MAML3: variants seen among roughly 807,000 people sequenced by gnomAD.
The protein encoded by MAML3 is mastermind like transcriptional coactivator 3.
Under a neutral mutation model 101.9 loss-of-function variants are expected in MAML3, and 27 were observed. The observed-to-expected ratio is 0.27, with a 90% CI of 0.20 to 0.37. MAML3 has a LOEUF of 0.37. Ranked by LOEUF, MAML3 falls within the 10% of genes least tolerant of loss-of-function variation. The pLI, the probability that MAML3 is intolerant of heterozygous loss-of-function variation, is 1.00. For synonymous variants in MAML3, 501 were observed against 555.9 expected (o/e 0.90, Z 1.39); for missense variants, 1,316 against 1,444.9 (o/e 0.91, Z 1.45).
chr4:139,889,730 T>C lies in MAML3; in HGVS notation c.1706A>G (p.Tyr569Cys), dbSNP rs971200378. Residue 569 changes from tyrosine (Y) to cysteine (C), a missense_variant, in exon 2 of 5, where the codon TAC becomes TGC. By Grantham distance (194) the Tyr-to-Cys change is radical. Coordinates refer to ENST00000509479, the MANE Select transcript of MAML3 (RefSeq NM_018717.5). ...NNLQKTTMNN[Y>C]LPQNHMNMIN... ...CATATTCATGTGATTCTGAGGGAGG[T>C]AGTTATTCATTGTTGTCTTCTGCAG... is the stretch of plus-strand genomic sequence containing the variant. 2 of 1,613,712 alleles carry C rather than the reference T, an allele frequency of 1.2e-6. No homozygotes were observed. Among genetic ancestry groups the C allele is most frequent in the South Asian group, 1.1e-5 (1 of 91,088 alleles).
At chr4:139,951,670 G>A (rs1424171843) in intron 1 of MAML3, among the ~76,000 whole-genome samples, 1 of 152,020 alleles carries the variant, frequency 6.6e-6, no homozygotes, top group Non-Finnish European at 1.5e-5. Context: ...CGGCAGCTCT[G>A]TGAACTGCTC....
chr4:139,964,469 G>C (rs1399415728), intron 1 of MAML3, among the ~76,000 whole-genome samples: 1 of 152,176 alleles, frequency 6.6e-6, no homozygotes, highest in East Asian at 1.9e-4. Context: ...GGAACTTAGA[G>C]GACGGGTCAA....
At chr4:140,152,498 G>A (rs1467980028) in intron 1 of MAML3, among the ~76,000 whole-genome samples, 3 of 152,072 alleles carry the variant, frequency 2.0e-5, no homozygotes, top group Non-Finnish European at 4.4e-5. Flanking sequence ...CGAAGAGGAG[G>A]AGCAAGGTTT....
At chr4:139,875,988 T>C (rs1402801824) in intron 2 of MAML3, among the ~76,000 whole-genome samples, 1 of 150,954 alleles carries the variant, frequency 6.6e-6, no homozygotes, top group Non-Finnish European at 1.5e-5. Context: ...ACAGAACTGA[T>C]TTTTGGTGTT....
chr4:140,105,129 C>T (rs115796009), intron 1 of MAML3, among the ~76,000 whole-genome samples: 147 of 152,246 alleles, frequency 9.7e-4, no homozygotes, highest in African/African-American at 3.4e-3. Context: ...CAAAAAGACC[C>T]TCCATGTTCC....
chr4:139,977,542 T>C (rs184322602), intron 1 of MAML3, among the ~76,000 whole-genome samples: 1 of 152,262 alleles, frequency 6.6e-6, no homozygotes, highest in Non-Finnish European at 1.5e-5. Flanking sequence ...GTAATACTAA[T>C]TATGAACATA....
intron 2 of MAML3, among the ~76,000 whole-genome samples, chr4:139,804,763 A>G (rs2111106436): frequency 6.6e-6 from 1 of 152,360 alleles, no homozygotes; most frequent in African/African-American, 2.4e-5. Context: ...TGTAACAGAA[A>G]CAATTTATGT....
intron 1 of MAML3, among the ~76,000 whole-genome samples, chr4:139,908,332 G>T (rs1732856802): frequency 6.6e-6 from 1 of 152,138 alleles, no homozygotes; most frequent in Non-Finnish European, 1.5e-5. Context: ...TGTATACTGT[G>T]TAGTAAAACC....
chr4:139,977,873 AAAAAAAC>A (rs370325687), intron 1 of MAML3, among the ~76,000 whole-genome samples: 2,828 of 151,718 alleles, frequency 0.019, 109 homozygotes, highest in African/African-American at 0.064. Context: ...ACTCCCTAAC[AAAAAAAC>A]AAAAAACAAA....
chr4:140,036,361 A>G (rs1453728406), intron 1 of MAML3, among the ~76,000 whole-genome samples: 3 of 152,226 alleles, frequency 2.0e-5, no homozygotes, highest in African/African-American at 7.2e-5. Context: ...ATGCAGGAAC[A>G]TGAGTATTTA....
intron 2 of MAML3, among the ~76,000 whole-genome samples, chr4:139,825,432 A>G (rs1731045167): frequency 6.6e-6 from 1 of 152,216 alleles, no homozygotes; most frequent in Non-Finnish European, 1.5e-5. Context: ...GGTAAAGGAT[A>G]AAGCAACTTC....
intron 2 of MAML3, among the ~76,000 whole-genome samples, chr4:139,846,125 T>C (rs898013803): frequency 6.6e-6 from 1 of 152,178 alleles, no homozygotes. Flanking sequence ...CAAATCTTGA[T>C]AGATCATTTT....
At chr4:139,870,337 A>G (rs1731984624) in intron 2 of MAML3, among the ~76,000 whole-genome samples, 1 of 152,132 alleles carries the variant, frequency 6.6e-6, no homozygotes, top group South Asian at 2.1e-4. Context: ...GACAACCAAA[A>G]CTATCTCCAG....
At chr4:139,966,703 T>C (rs1310467885) in intron 1 of MAML3, among the ~76,000 whole-genome samples, 4 of 152,224 alleles carry the variant, frequency 2.6e-5, no homozygotes, top group East Asian at 1.9e-4. Context: ...ATTGCTAACA[T>C]TATTGTCACT....
At chr4:139,973,358 C>G (rs1734263407) in intron 1 of MAML3, among the ~76,000 whole-genome samples, 1 of 152,218 alleles carries the variant, frequency 6.6e-6, no homozygotes, top group African/African-American at 2.4e-5. Flanking sequence ...TTCCCTACTT[C>G]AGTCCATTGT....
intron 1 of MAML3, among the ~76,000 whole-genome samples, chr4:140,085,228 C>T (rs1198532960): frequency 6.6e-6 from 1 of 152,178 alleles, no homozygotes; most frequent in East Asian, 1.9e-4. Flanking sequence ...TATTTCTTCC[C>T]AAGCTCTTAA....
chr4:140,046,759 A>C (rs2110916440), intron 1 of MAML3, among the ~76,000 whole-genome samples: 1 of 151,692 alleles, frequency 6.6e-6, no homozygotes, highest in East Asian at 1.9e-4. Flanking sequence ...TCTACAAAGG[A>C]GGAATTTAGG....
intron 1 of MAML3, among the ~76,000 whole-genome samples, chr4:140,029,735 A>G (rs1318165937): frequency 1.3e-5 from 2 of 152,228 alleles, no homozygotes; most frequent in Non-Finnish European, 2.9e-5. Flanking sequence ...GCCACTTTTA[A>G]TATCAGCTTA....
At chr4:139,914,681 A>C (rs1223289441) in intron 1 of MAML3, among the ~76,000 whole-genome samples, 1 of 152,226 alleles carries the variant, frequency 6.6e-6, no homozygotes, top group Non-Finnish European at 1.5e-5. Context: ...AATGAGAGAA[A>C]TTCAACGTTA....
Sources: gnomAD v4.1 joint callset for allele counts (sites outside exome capture counted in the v4.1 genomes callset) on GRCh38, gnomAD v4.1.1 for gene constraint, MANE v1.5 for transcripts, NCBI Gene and HGNC (gene_info 2026-07-23, HGNC 2026-07-21) for gene names.